ARID1A: variants seen among roughly 807,000 people sequenced by gnomAD.
The protein encoded by ARID1A is AT-rich interactive domain-containing protein 1A.
ARID1A carries 20 observed loss-of-function variants against 212.6 expected under a neutral mutation model. The ratio of observed to expected loss-of-function variants is 0.09; its 90% CI spans 0.07 to 0.14. The LOEUF (loss-of-function observed/expected upper bound fraction) is 0.14. Among genes scored for constraint, ARID1A ranks in the 10% least tolerant of loss-of-function variants. The pLI, the probability that ARID1A is intolerant of heterozygous loss-of-function variation, is 1.00. For missense variants in ARID1A, 2,587 were observed against 3,059.0 expected, an observed-to-expected ratio of 0.85 and a Z score of 3.64; for synonymous variants, 1,376 against 1,222.1, an observed-to-expected ratio of 1.13 and a Z score of -2.63.
chr1:26,763,373 C>T (rs897267688), intron 8 of ARID1A, 88 bp downstream of exon 8: 1 of 1,409,260 alleles, frequency 7.1e-7, no homozygotes, highest in Non-Finnish European at 9.5e-7. Context: ...GGACCTAAAC[C>T]AGGGGGGGAA....
At chr1:26,714,337 G>T (rs1245334263) in intron 1 of ARID1A, among the ~76,000 whole-genome samples, 2 of 152,158 alleles carry the variant, frequency 1.3e-5, no homozygotes, top group Non-Finnish European at 2.9e-5. Context: ...TAGTACTCTG[G>T]TTTTCCATCC....
At chr1:26,707,654 T>G (rs2080406265) in intron 1 of ARID1A, among the ~76,000 whole-genome samples, 1 of 152,182 alleles carries the variant, frequency 6.6e-6, no homozygotes, top group Non-Finnish European at 1.5e-5. Context: ...GGATCCTGAC[T>G]TTCAAATGAT....
chr1:26,716,010 G>A (rs2080499060), intron 1 of ARID1A, among the ~76,000 whole-genome samples: 1 of 151,910 alleles, frequency 6.6e-6, no homozygotes, highest in Admixed American at 6.6e-5. Context: ...TTTGAGACCA[G>A]CCTTATCAAC....
chr1:26,757,173 C>T (rs1247909753), intron 4 of ARID1A, among the ~76,000 whole-genome samples: 1 of 150,894 alleles, frequency 6.6e-6, no homozygotes, highest in East Asian at 1.9e-4. Context: ...TGAGATCATG[C>T]CACTGCACTC....
intron 1 of ARID1A, among the ~76,000 whole-genome samples, chr1:26,699,956 G>T (rs1277653395): frequency 1.3e-5 from 2 of 152,120 alleles, no homozygotes; most frequent in Admixed American, 1.3e-4. Context: ...TCCCTGTTTG[G>T]ATGCCTGTCT....
intron 5 of ARID1A, 32 bp from the exon 6 acceptor site, chr1:26,761,352 G>A (rs2124058850): frequency 1.2e-6 from 2 of 1,612,014 alleles, no homozygotes; most frequent in South Asian, 1.1e-5. Context: ...GCTTAGCCAT[G>A]ATATGCTTAT....
Position 26,774,098 on chromosome 1 carries a change from C to A in ARID1A, c.4101+200C>A. Reference sequence around the variant, plus strand: ...GGAGTTGGAAGGGGCTAGAAATAGACCTTATTTTGATTTTTAGGTTTTGTA... The same window carrying A: ...GGAGTTGGAAGGGGCTAGAAATAGAACTTATTTTGATTTTTAGGTTTTGTA... On this transcript the variant is annotated intron_variant, in intron 17 of 19. Coordinates refer to ENST00000324856, the MANE Select transcript of ARID1A (RefSeq NM_006015.6). This position sits in a 1 kb window ranked among gnomAD's most constrained non-coding sequence, Gnocchi z 5.6. 2 of 1,079,894 alleles carry A rather than the reference C, an allele frequency of 1.9e-6. No homozygotes were observed. The highest frequency in any genetic ancestry group is 1.8e-5 in the South Asian group (1 of 56,638). The allele number at this position is 1,079,894 out of a possible 1,614,324, so 66.9% of individuals were successfully genotyped here.
rs767587111 is a variant in ARID1A at position 26,780,633 on chromosome 1, C to T, written c.6735C>T (p.Asp2245=). 17 of 1,612,792 alleles carry T rather than the reference C, an allele frequency of 1.1e-5. No individual in the cohort carries two copies. Among genetic ancestry groups the T allele is most frequent in the East Asian group, 2.2e-5 (1 of 44,880 alleles). The change falls in exon 20 of 20, where the codon GAC becomes GAT. Residue 2245 remains aspartate, a synonymous_variant. Transcript: ENST00000324856. The surrounding 1 kb of genome is among the most constrained non-coding windows in gnomAD (Gnocchi z 7.2). The part of the protein sequence containing the change: ...ARALLALAKV[D]ENHSEFTLYE... ...CGCTGCTTGCCTTGGCCAAGGTGGA[C>T]GAGAACCACTCAGAGTTTACTCTGT...
chr1:26,697,171 C>G lies in ARID1A; in HGVS notation c.768C>G (p.Ser256Arg). Residue 256 changes from serine to arginine, a missense_variant, in exon 1 of 20, where the codon AGC becomes AGG. By Grantham distance (110) the Ser-to-Arg change is moderately radical (BLOSUM62 -1). Transcript: ENST00000324856. ...AAGSKPPPSS[S>R]ASASSSSSSF... is the part of the protein sequence containing the mutation. ...GCTCCAAGCCGCCTCCCTCCTCCAG[C>G]GCCTCCGCCTCCTCGTCGTCTTCGT... 7.0e-7 allele frequency: 1 copy of G among 1,432,546 alleles called. No homozygotes were observed. The highest frequency in any genetic ancestry group is 1.5e-5 in the South Asian group (1 of 66,918). The allele number at this position is 1,432,546 out of a possible 1,614,324, so 88.7% of individuals were successfully genotyped here. A position where few individuals can be genotyped will look rare whatever the true frequency, so the allele number is the denominator to read the frequency against.
At chr1:26,718,552 T>C (rs1180872775) in intron 1 of ARID1A, among the ~76,000 whole-genome samples, 1 of 152,166 alleles carries the variant, frequency 6.6e-6, no homozygotes, top group African/African-American at 2.4e-5. Flanking sequence ...ATACTGAAAT[T>C]TGTGGAATAT....
rs185013013 is a variant in ARID1A, at chr1:26,780,925, C to T, written c.*169C>T. 15 of 921,906 alleles carry T rather than the reference C, an allele frequency of 1.6e-5. No homozygotes were observed. In the Admixed American group the frequency reaches 4.5e-4, roughly 28 times the overall value. 57.1% of individuals were successfully genotyped at this position (921,906 alleles called of 1,614,324 possible). A position where few individuals can be genotyped will look rare whatever the true frequency, so the allele number is the denominator to read the frequency against. ...TCCTGTTTCTCTCTCCTCCTTCCAC[C>T]TCCCCTCCCTCCATCACCTCACGCC... is the stretch of plus-strand genomic sequence containing the variant. On this transcript the variant is annotated 3_prime_UTR_variant, in exon 20 of 20. Coordinates refer to ENST00000324856, the MANE Select transcript of ARID1A (RefSeq NM_006015.6). This position sits in a 1 kb window ranked among gnomAD's most constrained non-coding sequence, Gnocchi z 7.2.
intron 1 of ARID1A, among the ~76,000 whole-genome samples, chr1:26,698,024 C>T (rs958244492): frequency 1.4e-4 from 21 of 152,098 alleles, no homozygotes; most frequent in Admixed American, 1.1e-3. Context: ...TCGAGGGGAC[C>T]TCGAGGGGAG....
At position 26,772,949 on chromosome 1, in the gene ARID1A, A is replaced by G. The variant is rs200814245; in HGVS notation, c.3677A>G (p.Tyr1226Cys). The change falls in exon 14 of 20, where the codon TAT becomes TGT. Residue 1226 changes from tyrosine (Y) to cysteine (C), a missense_variant. Around this residue, in one of 11 missense-constraint regions of ARID1A, gnomAD observed 890 missense variants for 1,098.2 expected, o/e 0.81. Coordinates refer to ENST00000324856, the MANE Select transcript of ARID1A (RefSeq NM_006015.6). ...TCTGACATGATGGGGCGCATGTCCT[A>G]TGAGCCAAATAAGGATCCTTATGGC... is the stretch of plus-strand genomic sequence containing the variant. ...NTSDMMGRMS[Y>C]EPNKDPYGSM... 9 of 1,613,570 alleles carry G rather than the reference A, an allele frequency of 5.6e-6. No homozygotes were observed. The highest frequency in any genetic ancestry group is 1.7e-5 in the Admixed American group (1 of 59,970).
At position 26,698,001 on chromosome 1, in the gene ARID1A, G is replaced by A. The variant is rs1570541959; in HGVS notation, c.1137+461G>A. Among the ~76,000 whole-genome samples the A allele has an allele frequency of 2.0e-5, 3 of 152,236 alleles. No homozygotes were observed. In the South Asian group the frequency reaches 6.2e-4, roughly 32 times the overall value. The stretch of plus-strand genomic sequence containing the variant: ...CGCCCCCCATCTGTGCTTTCAAAGA[G>A]GGCCCCTAGAGCTCGAGGGGACCTC... On this transcript the variant is annotated intron_variant, in intron 1 of 19. Coordinates refer to ENST00000324856, the MANE Select transcript of ARID1A (RefSeq NM_006015.6).
chr1:26,698,275 G>T (rs1163073289), intron 1 of ARID1A, among the ~76,000 whole-genome samples: 4 of 152,230 alleles, frequency 2.6e-5, no homozygotes, highest in African/African-American at 4.8e-5. Context: ...CATCCTATCT[G>T]TGATCTGATT....
rs1424561538 is a variant in ARID1A, at chr1:26,774,367, T to C, written c.4140T>C (p.Pro1380=). 2.6e-6 allele frequency: 4 copies of C among 1,562,874 alleles called. No individual in the cohort carries two copies. Residue 1380 remains proline (P), a synonymous_variant, in exon 18 of 20, where the codon CCT becomes CCC. Transcript: ENST00000324856. This position sits in a 1 kb window ranked among gnomAD's most constrained non-coding sequence, Gnocchi z 5.6. ...KRPMDGTYGP[P]AKRHEGEMYS... The stretch of plus-strand genomic sequence containing the variant: ...CAATGGATGGCACATATGGCCCTCC[T>C]GCCAAGCGGCACGAAGGGGAGATGT...
Position 26,779,667 on chromosome 1 carries a change from CGAG to C in ARID1A, c.5772_5774del (p.Glu1924del). 6.2e-7 allele frequency: 1 copy of C among 1,614,064 alleles called. No individual in the cohort carries two copies. The highest frequency in any genetic ancestry group is 8.5e-7 in the Non-Finnish European group (1 of 1,180,022). ...TGTCTACTCGGTCTAGCACCTTGACCGAGGATGGAGCTAAGAGTTCAGAGGCCA... is the reference window on the plus strand; with the variant it reads ...TGTCTACTCGGTCTAGCACCTTGACCGATGGAGCTAAGAGTTCAGAGGCCA... On this transcript the variant is annotated inframe_deletion, in exon 20 of 20. Transcript: ENST00000324856.
chr1:26,728,962 T>A (rs1557590663), intron 1 of ARID1A: 1 of 152,266 alleles, frequency 6.6e-6, no homozygotes, highest in Non-Finnish European at 1.5e-5. Flanking sequence ...CTCTGTCTTC[T>A]TGCTCTTTTT....
At chr1:26,721,354 G>A (rs1336761539) in intron 1 of ARID1A, among the ~76,000 whole-genome samples, 1 of 152,162 alleles carries the variant, frequency 6.6e-6, no homozygotes. Context: ...TGGGACTACA[G>A]GCGCGTGCCA....
Sources: gnomAD v4.1 joint callset for allele counts (sites outside exome capture counted in the v4.1 genomes callset) on GRCh38, gnomAD v4.1.1 for gene constraint, gnomAD v4.1.1 regional missense constraint, Gnocchi (gnomAD v3.1) non-coding constraint, MANE v1.5 for transcripts, NCBI Gene and HGNC (gene_info 2026-07-23, HGNC 2026-07-21) for gene names.